Variants in STRBP observed in about 807,000 individuals in gnomAD.
STRBP encodes spermatid perinuclear RNA-binding protein.
Under a neutral mutation model 80.1 loss-of-function variants are expected in STRBP, and 13 were observed. That is an observed-to-expected ratio of 0.16 (90% CI 0.11 to 0.26). The LOEUF is 0.26. Among genes scored for constraint, STRBP ranks in the 10% least tolerant of loss-of-function variants. The probability of loss-of-function intolerance (pLI) is 1.00; values close to 1 mark genes in which losing one functional copy is unlikely to be tolerated. For synonymous variants in STRBP, 284 were observed against 291.2 expected (o/e 0.98, Z 0.25); for missense variants, 485 against 815.2 (o/e 0.59, Z 4.93).
At chr9:123,173,972 A>G in intron 4 of STRBP, 130 bp from the exon 5 acceptor site, 1 of 1,002,544 alleles carries the variant, frequency 1.0e-6, no homozygotes, top group Non-Finnish European at 1.4e-6. Context: ...CCAAGTATCC[A>G]CAAAATTAAG....
chr9:123,157,591 C>T (rs2037343565), intron 11 of STRBP, among the ~76,000 whole-genome samples: 1 of 152,164 alleles, frequency 6.6e-6, no homozygotes, highest in African/African-American at 2.4e-5. Flanking sequence ...GTTTAATGGA[C>T]TCACAGTGCC....
At chr9:123,132,706 C>G (rs2036188742) in intron 17 of STRBP, 139 bp downstream of exon 17, 11 of 1,246,124 alleles carry the variant, frequency 8.8e-6, no homozygotes, top group Non-Finnish European at 1.2e-5. Context: ...TGCCAATTCT[C>G]TACTTTTAAA....
chr9:123,243,315 C>T (rs970343136), intron 1 of STRBP, among the ~76,000 whole-genome samples: 2 of 148,868 alleles, frequency 1.3e-5, no homozygotes, highest in African/African-American at 4.9e-5. Context: ...AAACTTCACA[C>T]CTTACACAAA....
intron 3 of STRBP, chr9:123,113,800 G>GC (rs2035604401): frequency 6.0e-6 from 1 of 167,116 alleles, no homozygotes; most frequent in African/African-American, 2.4e-5. Context: ...TCCCTACTTT[G>GC]CAGGGGTTGG....
At chr9:123,151,293 G>A (rs1309284782) in intron 11 of STRBP, among the ~76,000 whole-genome samples, 3 of 152,122 alleles carry the variant, frequency 2.0e-5, no homozygotes, top group African/African-American at 7.2e-5. Flanking sequence ...GGAACTGTCA[G>A]AGCTCTCTCA....
intron 13 of STRBP, among the ~76,000 whole-genome samples, chr9:123,142,681 T>C (rs1251201671): frequency 6.6e-6 from 1 of 152,224 alleles, no homozygotes; most frequent in Non-Finnish European, 1.5e-5. Context: ...GAAGTCAGAA[T>C]TGAGCCCAGT....
intron 1 of STRBP, among the ~76,000 whole-genome samples, chr9:123,253,042 A>C (rs2040949443): frequency 6.6e-6 from 1 of 152,218 alleles, no homozygotes; most frequent in Non-Finnish European, 1.5e-5. Context: ...AATACACACA[A>C]TTTGAGTTAT....
intron 2 of STRBP, among the ~76,000 whole-genome samples, chr9:123,211,016 T>G (rs1355374318): frequency 6.6e-6 from 1 of 152,166 alleles, no homozygotes; most frequent in Non-Finnish European, 1.5e-5. Flanking sequence ...CCATAACCTA[T>G]TATGCAGGGA....
intron 4 of STRBP, among the ~76,000 whole-genome samples, chr9:123,175,168 T>G (rs1341032305): frequency 2.6e-5 from 4 of 152,120 alleles, no homozygotes; most frequent in Non-Finnish European, 5.9e-5. Flanking sequence ...GAAAGTAAAA[T>G]GGCAAAGCCT....
Position 123,125,319 on chromosome 9 carries a change from T to G in STRBP, c.*278A>C. On this transcript the variant is annotated 3_prime_UTR_variant, in exon 19 of 19. Coordinates refer to ENST00000348403, the MANE Select transcript of STRBP (RefSeq NM_018387.5). ...CTGATACGTCTCTTAAAACTTAAAC[T>G]TTGAACTGCTAGACTTTTATTTCCC... 4.5e-6 allele frequency: 5 copies of G among 1,110,538 alleles called. No homozygotes were observed. The highest frequency in any genetic ancestry group is 5.5e-6 in the Non-Finnish European group (5 of 911,094). The allele number at this position is 1,110,538 out of a possible 1,614,324, so 68.8% of individuals were successfully genotyped here. A position where few individuals can be genotyped will look rare whatever the true frequency, so the allele number is the denominator to read the frequency against.
chr9:123,141,066 A>T (rs1386523704), intron 13 of STRBP, among the ~76,000 whole-genome samples: 2 of 152,212 alleles, frequency 1.3e-5, no homozygotes, highest in African/African-American at 4.8e-5. Context: ...AGTTGCTGAG[A>T]TTTAAAAGCA....
intron 11 of STRBP, among the ~76,000 whole-genome samples, chr9:123,151,926 C>T (rs1335068819): frequency 2.6e-5 from 4 of 151,868 alleles, no homozygotes; most frequent in Non-Finnish European, 5.9e-5. Flanking sequence ...AAATAATAAT[C>T]CCCTAGGTGA....
downstream of STRBP, chr9:123,121,365 G>T (rs2035729763): frequency 6.6e-6 from 1 of 152,194 alleles, no homozygotes; most frequent in African/African-American, 2.4e-5. Context: ...ACACCTAAAT[G>T]AAGCAAATCT....
chr9:123,167,111 T>TC (rs981024642), intron 6 of STRBP, among the ~76,000 whole-genome samples: 1 of 151,946 alleles, frequency 6.6e-6, no homozygotes, highest in Admixed American at 6.6e-5. Flanking sequence ...TCTCAACCAC[T>TC]CTTTTTTTTT....
At chr9:123,211,667 G>A (rs1193832575) in intron 2 of STRBP, among the ~76,000 whole-genome samples, 1 of 152,118 alleles carries the variant, frequency 6.6e-6, no homozygotes, top group African/African-American at 2.4e-5. Flanking sequence ...CTTCCTGACT[G>A]AAGTATAATT....
chr9:123,263,524 C>CAAAAAAAAAAAAAAAAAAAAA, intron 1 of STRBP, among the ~76,000 whole-genome samples: 1 of 64,222 alleles, frequency 1.6e-5, no homozygotes, highest in African/African-American at 5.2e-5. Flanking sequence ...GACCCTGTCT[C>CAAAAAAAAAAAAAAAAAAAAA]AAAAAAAAAA....
At chr9:123,266,572 A>G (rs976996614) in intron 1 of STRBP, among the ~76,000 whole-genome samples, 1 of 151,782 alleles carries the variant, frequency 6.6e-6, no homozygotes, top group African/African-American at 2.4e-5. Context: ...TTCATCTCTC[A>G]AACTCAAAGT....
At chr9:123,167,747 T>C (rs933476571) in intron 6 of STRBP, among the ~76,000 whole-genome samples, 4 of 152,158 alleles carry the variant, frequency 2.6e-5, no homozygotes, top group Non-Finnish European at 4.4e-5. Flanking sequence ...ATTCAGCTCA[T>C]AGAGGTCTTT....
At chr9:123,245,780 C>A (rs1307698743) in intron 1 of STRBP, among the ~76,000 whole-genome samples, 1 of 152,150 alleles carries the variant, frequency 6.6e-6, no homozygotes, top group African/African-American at 2.4e-5. Context: ...TTAAAAGCAA[C>A]CTTTACTAAC....
Sources: gnomAD v4.1 joint callset for allele counts (sites outside exome capture counted in the v4.1 genomes callset) on GRCh38, gnomAD v4.1.1 for gene constraint, MANE v1.5 for transcripts, NCBI Gene and HGNC (gene_info 2026-07-23, HGNC 2026-07-21) for gene names.